The following CGNL1 variants were observed in gnomAD, a reference collection of about 807,000 sequenced individuals.
The protein encoded by CGNL1 is cingulin like 1, also known as cingulin-like protein 1.
CGNL1 carries 132 observed loss-of-function variants against 141.2 expected under a neutral mutation model. The observed-to-expected ratio is 0.93, with a 90% CI of 0.81 to 1.08. CGNL1 has a LOEUF of 1.08. CGNL1 is among the 50% of genes least tolerant of loss of function. The pLI is 0.00. For synonymous variants in CGNL1, 690 were observed against 622.1 expected (o/e 1.11, Z -1.63); for missense variants, 1,870 against 1,588.6 (o/e 1.18, Z -3.01).
intron 8 of CGNL1, among the ~76,000 whole-genome samples, chr15:57,499,636 C>G (rs2063994348): frequency 6.6e-6 from 1 of 152,172 alleles, no homozygotes; most frequent in Non-Finnish European, 1.5e-5. Context: ...CAAGAATTTT[C>G]CACAGTGTGA....
At chr15:57,452,051 A>G (rs2152322208) in intron 5 of CGNL1, 90 bp from the exon 6 acceptor site, 8 of 1,157,102 alleles carry the variant, frequency 6.9e-6, no homozygotes, top group Non-Finnish European at 9.7e-6. Flanking sequence ...AAGTGCAAAG[A>G]TATGGAGTCT....
intron 8 of CGNL1, among the ~76,000 whole-genome samples, chr15:57,494,132 C>A (rs548880535): frequency 2.0e-5 from 3 of 152,210 alleles, no homozygotes; most frequent in Non-Finnish European, 2.9e-5. Context: ...GATGTAGGCT[C>A]CAAAGACCGT....
intron 8 of CGNL1, among the ~76,000 whole-genome samples, chr15:57,495,078 T>C (rs1258147222): frequency 6.6e-6 from 1 of 152,180 alleles, no homozygotes; most frequent in African/African-American, 2.4e-5. Flanking sequence ...CTGGGGGCTT[T>C]ATAGGGTAGA....
At chr15:57,527,110 A>G (rs1311502372) in intron 12 of CGNL1, 1 of 152,128 alleles carries the variant, frequency 6.6e-6, no homozygotes, top group East Asian at 1.9e-4. Flanking sequence ...TATCCAGAAA[A>G]TGTCCCATCA....
At chr15:57,397,054 C>T (rs1381955191) in intron 1 of CGNL1, 1 of 152,072 alleles carries the variant, frequency 6.6e-6, no homozygotes, top group Non-Finnish European at 1.5e-5. Context: ...GACGGGGTCG[C>T]TAAAGTCTTG....
rs71116514 is a variant in CGNL1, at chr15:57,378,363, G to GTTTTTTTTTTTTTTTTTTTTT, written c.-16+1811_-16+1831dup. Among the ~76,000 whole-genome samples the GTTTTTTTTTTTTTTTTTTTTT allele has an allele frequency of 8.8e-5, 3 of 33,938 alleles. 1 individual carries two copies. The highest frequency in any genetic ancestry group is 1.7e-4 in the Non-Finnish European group (3 of 18,104). The allele number at this position is 33,938 out of a possible 152,430, so 22.3% of individuals were successfully genotyped here. On this transcript the variant is annotated intron_variant, in intron 1 of 18. Transcript: ENST00000281282. ...TTTCTTAGGGGGTGGCCCTCTATGT[G>GTTTTTTTTTTTTTTTTTTTTT]TTTTTTTTTTTTTTTTTTTTTTTTT... is the stretch of plus-strand genomic sequence containing the variant.
At chr15:57,392,194 T>C (rs1326845217) in intron 1 of CGNL1, among the ~76,000 whole-genome samples, 1 of 152,132 alleles carries the variant, frequency 6.6e-6, no homozygotes, top group African/African-American at 2.4e-5. Flanking sequence ...ATTACCTTTA[T>C]AATACAAAAG....
At chr15:57,429,223 C>A (rs772278530) in intron 1 of CGNL1, among the ~76,000 whole-genome samples, 1 of 152,116 alleles carries the variant, frequency 6.6e-6, no homozygotes, top group Non-Finnish European at 1.5e-5. Context: ...TACACAATTA[C>A]CAGTGACAAC....
At chr15:57,484,789 A>T (rs2152367175) in intron 8 of CGNL1, among the ~76,000 whole-genome samples, 3 of 151,912 alleles carry the variant, frequency 2.0e-5, no homozygotes, top group Admixed American at 2.0e-4. Context: ...ACTCCCACTT[A>T]TGAGTGAGAA....
chr15:57,411,437 T>G (rs1269171453), intron 1 of CGNL1, among the ~76,000 whole-genome samples: 1 of 150,862 alleles, frequency 6.6e-6, no homozygotes, highest in Non-Finnish European at 1.5e-5. Flanking sequence ...AGTTTTCTTT[T>G]TTTCTTTTTC....
chr15:57,543,025 C>G (rs2032648998), intron 14 of CGNL1, among the ~76,000 whole-genome samples: 1 of 152,192 alleles, frequency 6.6e-6, no homozygotes, highest in South Asian at 2.1e-4. Flanking sequence ...GTAACACAAC[C>G]TGGGTGCCTT....
rs565544072 is a variant in CGNL1, at chr15:57,464,001, A to G, written c.2403+2109A>G. 2.0e-5 allele frequency among the ~76,000 whole-genome samples: 3 copies of G among 151,642 alleles called. No homozygotes were observed. The South Asian group carries it at 6.3e-4, about 32-fold the overall frequency. On this transcript the variant is annotated intron_variant, in intron 8 of 18. Transcript: ENST00000281282. ...TCTACTGTAGTTTGTATCATACCCT[A>G]TTATAATTTCTCATCTTGTCTGCTT...
chr15:57,450,837 C>T (rs1422893678), intron 4 of CGNL1, among the ~76,000 whole-genome samples: 1 of 152,080 alleles, frequency 6.6e-6, no homozygotes, highest in African/African-American at 2.4e-5. Flanking sequence ...ATGGCAAAAC[C>T]AGAATTCTAA....
intron 10 of CGNL1, among the ~76,000 whole-genome samples, chr15:57,521,207 C>A (rs1198197437): frequency 6.6e-6 from 1 of 152,062 alleles, no homozygotes; most frequent in East Asian, 1.9e-4. Flanking sequence ...GACGTTTTCT[C>A]AGCAGTGACC....
At chr15:57,410,196 G>T (rs959305550) in intron 1 of CGNL1, among the ~76,000 whole-genome samples, 4 of 152,194 alleles carry the variant, frequency 2.6e-5, no homozygotes, top group African/African-American at 4.8e-5. Context: ...GACTCCGTCA[G>T]GATCCTAGGT....
At chr15:57,511,712 T>C (rs7182067) in intron 8 of CGNL1, among the ~76,000 whole-genome samples, 1,776 of 152,332 alleles carry the variant, frequency 0.012, 36 homozygotes, top group African/African-American at 0.04. Context: ...TGAAAAATGA[T>C]AGAAAATGGC....
intron 12 of CGNL1, 111 bp downstream of exon 12, chr15:57,524,862 T>G (rs1171318454): frequency 9.4e-7 from 1 of 1,067,970 alleles, no homozygotes; most frequent in East Asian, 2.6e-5. Context: ...GCTTTGGTGC[T>G]TGACTCTTCA....
chr15:57,479,742 A>T (rs1405645087), intron 8 of CGNL1, among the ~76,000 whole-genome samples: 2 of 152,096 alleles, frequency 1.3e-5, no homozygotes, highest in Non-Finnish European at 2.9e-5. Flanking sequence ...ACAAAACAAA[A>T]CAGGCAGAGC....
At chr15:57,515,215 G>C (rs563754686) in intron 8 of CGNL1, among the ~76,000 whole-genome samples, 8 of 152,332 alleles carry the variant, frequency 5.3e-5, no homozygotes, top group African/African-American at 1.7e-4. Context: ...TCAGCTGTCT[G>C]ACACCTTAGT....
Sources: gnomAD v4.1 joint callset for allele counts (sites outside exome capture counted in the v4.1 genomes callset) on GRCh38, gnomAD v4.1.1 for gene constraint, MANE v1.5 for transcripts, NCBI Gene and HGNC (gene_info 2026-07-23, HGNC 2026-07-21) for gene names.